LRCH1: variants seen among roughly 807,000 people sequenced by gnomAD.
LRCH1 encodes the protein leucine rich repeats and calponin homology domain containing 1, also known as leucine-rich repeat and calponin homology domain-containing protein 1.
In LRCH1, 23 loss-of-function variants were observed where a neutral mutation model predicts 94.9. The ratio of observed to expected loss-of-function variants is 0.24; its 90% CI spans 0.17 to 0.34. The LOEUF (loss-of-function observed/expected upper bound fraction) is 0.34. LRCH1 is among the 10% of genes least tolerant of loss of function. The pLI is 1.00. For missense variants in LRCH1, 790 were observed against 945.9 expected (o/e 0.84, Z 2.16); for synonymous variants, 364 against 354.9 (o/e 1.03, Z -0.29).
intron 2 of LRCH1, among the ~76,000 whole-genome samples, chr13:46,656,443 A>T (rs1156735046): frequency 6.6e-6 from 1 of 152,090 alleles, no homozygotes; most frequent in African/African-American, 2.4e-5. Flanking sequence ...TGAAGATCTT[A>T]CCCCATTCAA....
intron 7 of LRCH1, among the ~76,000 whole-genome samples, chr13:46,691,674 C>T (rs530399629): frequency 1.3e-5 from 2 of 152,168 alleles, no homozygotes; most frequent in East Asian, 1.9e-4. Flanking sequence ...GGGAGAGCAA[C>T]GGAGGAGGTG....
In LRCH1 at chr13:46,639,058, C is replaced by T. The variant is rs761593191; in HGVS notation, c.308-11143C>T. Among the ~76,000 whole-genome samples the T allele has an allele frequency of 2.6e-5, 4 of 152,136 alleles. No homozygotes were observed. The East Asian group carries it at 5.8e-4, about 22-fold the overall frequency. On this transcript the variant is annotated intron_variant, in intron 1 of 19. Coordinates refer to ENST00000389797, the MANE Select transcript of LRCH1 (RefSeq NM_001164211.2). ...CTGGAAAAAAACTTTCTGGTTTGGT[C>T]ATTTTTATTATAAAAGGCTTTCTAT...
chr13:46,627,445 A>AT (rs2050963279), intron 1 of LRCH1, among the ~76,000 whole-genome samples: 1 of 130,722 alleles, frequency 7.6e-6, no homozygotes, highest in Admixed American at 8.1e-5. Context: ...AATTTGACAG[A>AT]TAAAAAAATG....
At chr13:46,607,753 A>T (rs1024576426) in intron 1 of LRCH1, among the ~76,000 whole-genome samples, 1 of 151,960 alleles carries the variant, frequency 6.6e-6, no homozygotes, top group South Asian at 2.1e-4. Context: ...TCTTAGGAAG[A>T]TGACTGTCAT....
intron 1 of LRCH1, among the ~76,000 whole-genome samples, chr13:46,631,204 A>G (rs975655403): frequency 9.2e-5 from 14 of 152,240 alleles, no homozygotes; most frequent in Non-Finnish European, 1.5e-4. Context: ...CATTTCCCTC[A>G]AACTACATGC....
chr13:46,577,981 GC>G (rs2050322546), intron 1 of LRCH1, among the ~76,000 whole-genome samples: 1 of 152,210 alleles, frequency 6.6e-6, no homozygotes, highest in Admixed American at 6.5e-5. Flanking sequence ...ATCCCCGTCA[GC>G]TTTGGTTTTA....
At chr13:46,632,144 A>G (rs961372480) in intron 1 of LRCH1, among the ~76,000 whole-genome samples, 64 of 152,214 alleles carry the variant, frequency 4.2e-4, no homozygotes, top group African/African-American at 1.4e-3. Context: ...TAGAGTTTGC[A>G]GTGAGCTAAG....
intron 1 of LRCH1, among the ~76,000 whole-genome samples, chr13:46,556,725 C>T (rs927575431): frequency 6.6e-6 from 1 of 152,082 alleles, no homozygotes; most frequent in Non-Finnish European, 1.5e-5. Flanking sequence ...ACCCTGGCAG[C>T]CTCACGTTAA....
chr13:46,635,601 G>C (rs1054090044), intron 1 of LRCH1, among the ~76,000 whole-genome samples: 32 of 151,242 alleles, frequency 2.1e-4, no homozygotes, highest in Non-Finnish European at 2.9e-5. Context: ...CTCCCGAGTA[G>C]CTGGGACTAC....
At chr13:46,709,928 A>G (rs1201147786) in intron 13 of LRCH1, among the ~76,000 whole-genome samples, 2 of 152,338 alleles carry the variant, frequency 1.3e-5, no homozygotes, top group South Asian at 2.1e-4. Flanking sequence ...GATAAGGATT[A>G]TGGAGAGCTA....
At chr13:46,665,184 C>T (rs1215006402) in intron 2 of LRCH1, among the ~76,000 whole-genome samples, 1 of 152,042 alleles carries the variant, frequency 6.6e-6, no homozygotes, top group South Asian at 2.1e-4. Context: ...AATAAAATCA[C>T]CTGTAAGAAC....
intron 1 of LRCH1, among the ~76,000 whole-genome samples, chr13:46,635,467 C>CTTTTTTTTTT (rs35362550): frequency 2.1e-5 from 2 of 96,632 alleles, no homozygotes; most frequent in African/African-American, 4.3e-5. Flanking sequence ...CCCCTCCCAC[C>CTTTTTTTTTT]TTTTTTTTTT....
intron 2 of LRCH1, among the ~76,000 whole-genome samples, chr13:46,666,701 A>G (rs1053506850): frequency 6.6e-6 from 1 of 152,256 alleles, no homozygotes; most frequent in Non-Finnish European, 1.5e-5. Context: ...TTGCATATTA[A>G]CAAATATTTT....
At chr13:46,633,644 C>T (rs1274292702) in intron 1 of LRCH1, among the ~76,000 whole-genome samples, 2 of 152,148 alleles carry the variant, frequency 1.3e-5, no homozygotes, top group Non-Finnish European at 2.9e-5. Flanking sequence ...CATTTTCTTT[C>T]CTCATGTTTC....
At chr13:46,668,904 G>T (rs750098376) in intron 2 of LRCH1, 126 bp from the exon 3 acceptor site, 14 of 864,574 alleles carry the variant, frequency 1.6e-5, no homozygotes, top group South Asian at 2.3e-5. Context: ...AAATATATTG[G>T]ACTTCTTGTA....
At chr13:46,641,876 G>C (rs4942566) in intron 1 of LRCH1, among the ~76,000 whole-genome samples, 127,962 of 152,290 alleles carry the variant, frequency 0.84, 54,322 homozygotes, top group African/African-American at 0.96. Context: ...TAGGGATTTG[G>C]AAAGCTTGTC....
At chr13:46,727,908 T>C (rs980389118) in intron 17 of LRCH1, among the ~76,000 whole-genome samples, 1 of 100,514 alleles carries the variant, frequency 9.9e-6, no homozygotes, top group Admixed American at 9.9e-5. Context: ...AACATTTCTT[T>C]CTTTCTTTCT....
intron 2 of LRCH1, among the ~76,000 whole-genome samples, chr13:46,651,353 G>T (rs1023094044): frequency 5.3e-5 from 8 of 152,144 alleles, no homozygotes; most frequent in African/African-American, 1.7e-4. Flanking sequence ...GTTTTGTCTT[G>T]TTTTCCTTGC....
intron 1 of LRCH1, among the ~76,000 whole-genome samples, chr13:46,621,234 G>C (rs971254743): frequency 5.3e-5 from 8 of 152,188 alleles, no homozygotes; most frequent in Admixed American, 1.3e-4. Context: ...TGTGTTGCAG[G>C]TACCACAGTG....
Sources: allele counts gnomAD v4.1 joint callset (sites outside exome capture counted in the v4.1 genomes callset), GRCh38; gene constraint gnomAD v4.1.1; transcripts MANE v1.5; gene names NCBI Gene and HGNC (gene_info 2026-07-23, HGNC 2026-07-21).